KHDRBS2: variants seen among roughly 807,000 people sequenced by gnomAD.
The protein encoded by KHDRBS2 is KH RNA binding domain containing, signal transduction associated 2, also known as KH domain-containing, RNA-binding, signal transduction-associated protein 2.
KHDRBS2 carries 26 observed loss-of-function variants against 44.3 expected under a neutral mutation model. The observed-to-expected ratio is 0.59, with a 90% confidence interval of 0.43 to 0.81. The LOEUF (loss-of-function observed/expected upper bound fraction) is 0.81, where lower values mean the gene tolerates loss of function less well. KHDRBS2 is among the 40% of genes least tolerant of loss of function. The pLI is 0.00. For missense variants in KHDRBS2, 476 were observed against 433.1 expected, an observed-to-expected ratio of 1.10 and a Z score of -0.88; for synonymous variants, 194 against 151.1, an observed-to-expected ratio of 1.28 and a Z score of -2.08.
intron 2 of KHDRBS2, among the ~76,000 whole-genome samples, chr6:62,108,853 A>G (rs149630913): frequency 0.017 from 2,547 of 152,238 alleles, 62 homozygotes; most frequent in African/African-American, 0.057. Context: ...AGGACAAAAA[A>G]CCAAACACCG....
At chr6:62,234,017 G>C (rs1833304183) in intron 1 of KHDRBS2, among the ~76,000 whole-genome samples, 1 of 151,860 alleles carries the variant, frequency 6.6e-6, no homozygotes, top group Non-Finnish European at 1.5e-5. Context: ...TGGGGTTGCT[G>C]TGTGAAATGG....
chr6:61,802,450 G>A (rs1381974420), intron 6 of KHDRBS2, among the ~76,000 whole-genome samples: 1 of 152,096 alleles, frequency 6.6e-6, no homozygotes, highest in Non-Finnish European at 1.5e-5. Flanking sequence ...TACATCAGTA[G>A]GGCTGACAAT....
At chr6:62,004,216 C>G (rs1264834739) in intron 3 of KHDRBS2, among the ~76,000 whole-genome samples, 1 of 152,044 alleles carries the variant, frequency 6.6e-6, no homozygotes, top group Non-Finnish European at 1.5e-5. Context: ...AATCCAGGAG[C>G]TGTTTCTTTT....
intron 1 of KHDRBS2, among the ~76,000 whole-genome samples, chr6:62,196,009 T>C (rs1407020495): frequency 6.6e-6 from 1 of 152,208 alleles, no homozygotes; most frequent in African/African-American, 2.4e-5. Flanking sequence ...GCATCTGTTA[T>C]GGATTCTAGA....
chr6:61,677,485 T>C (rs1766010363), downstream of KHDRBS2, among the ~76,000 whole-genome samples: 2 of 151,916 alleles, frequency 1.3e-5, no homozygotes, highest in Non-Finnish European at 2.9e-5. Flanking sequence ...TATCAAATAA[T>C]TGTTTTAAGA....
chr6:62,155,164 G>T (rs1169225119), intron 2 of KHDRBS2, among the ~76,000 whole-genome samples: 1 of 151,996 alleles, frequency 6.6e-6, no homozygotes, highest in Non-Finnish European at 1.5e-5. Context: ...GATTTGAGCT[G>T]GGTTTAGAGA....
At chr6:61,818,284 G>A (rs113007488) in intron 6 of KHDRBS2, among the ~76,000 whole-genome samples, 7,031 of 136,426 alleles carry the variant, frequency 0.052, 680 homozygotes, top group African/African-American at 0.19. Flanking sequence ...AAAAAAAAAA[G>A]GATAGTAGGC....
At chr6:62,140,126 A>T (rs2150097328) in intron 2 of KHDRBS2, among the ~76,000 whole-genome samples, 1 of 152,320 alleles carries the variant, frequency 6.6e-6, no homozygotes, top group Admixed American at 6.5e-5. Flanking sequence ...TTAAGCTCCT[A>T]GACTACTGTA....
At chr6:61,578,479 T>G in the KHDRBS2 span, among the ~76,000 whole-genome samples, 93,534 of 151,832 alleles carry the variant, frequency 0.62, 29,031 homozygotes, top group Middle Eastern at 0.65. Context: ...TAGGTCAGCT[T>G]CTTGTATCTC....
At chr6:61,584,335 C>T in the KHDRBS2 span, among the ~76,000 whole-genome samples, 1 of 151,754 alleles carries the variant, frequency 6.6e-6, no homozygotes, top group African/African-American at 2.4e-5. Context: ...TTAAGTATTA[C>T]ATTAGCTCTA....
Position 62,145,823 on chromosome 6 carries a change from C to T in KHDRBS2, c.219+31362G>A, listed in dbSNP as rs1375062220. 4.6e-5 allele frequency among the ~76,000 whole-genome samples: 7 copies of T among 151,816 alleles called. No homozygotes were observed. The East Asian group carries it at 1.3e-3, about 29-fold the overall frequency. On this transcript the variant is annotated intron_variant, in intron 2 of 8. Transcript: ENST00000281156. ...ACAAATGGAAAATTGTACACATAAT[C>T]ACCTAACACAAATTTTGTTTCATGC...
At chr6:62,078,471 T>G (rs1005888621) in intron 2 of KHDRBS2, among the ~76,000 whole-genome samples, 11 of 151,982 alleles carry the variant, frequency 7.2e-5, no homozygotes, top group African/African-American at 2.4e-4. Flanking sequence ...TGTTATGATT[T>G]TACCTCTAGG....
chr6:61,593,607 T>TTG, the KHDRBS2 span, among the ~76,000 whole-genome samples: 2 of 152,056 alleles, frequency 1.3e-5, no homozygotes, highest in Non-Finnish European at 2.9e-5. Context: ...TCCTGATTAT[T>TTG]TGTATAAAGT....
chr6:61,976,931 T>C (rs528460391), intron 4 of KHDRBS2, among the ~76,000 whole-genome samples: 15 of 152,188 alleles, frequency 9.9e-5, no homozygotes, highest in African/African-American at 3.6e-4. Context: ...GAGCATCAGA[T>C]AATAAATTGT....
chr6:61,918,557 T>C (rs1807451439), intron 4 of KHDRBS2, among the ~76,000 whole-genome samples: 1 of 151,872 alleles, frequency 6.6e-6, no homozygotes, highest in Non-Finnish European at 1.5e-5. Context: ...AAGGTGGCCA[T>C]CTGCAAGCTA....
rs973265857 is a variant in KHDRBS2 at position 61,945,778 on chromosome 6, AT to A, written c.483+32287del. ...TCAAGCAAAAACCCATGAAAAAAAA[AT>A]ATGACAGGATTCCTAAAATAGTAAC... On this transcript the variant is annotated intron_variant, in intron 4 of 8. Transcript: ENST00000281156. Among the ~76,000 whole-genome samples, 7 of 152,104 alleles carry A rather than the reference AT, an allele frequency of 4.6e-5. No individual in the cohort carries two copies. In the South Asian group the frequency reaches 6.2e-4, roughly 13 times the overall value.
At chr6:61,595,637 G>A in the KHDRBS2 span, among the ~76,000 whole-genome samples, 2 of 151,498 alleles carry the variant, frequency 1.3e-5, no homozygotes, top group African/African-American at 4.8e-5. Flanking sequence ...CTAATTTCTA[G>A]TGAAAACCTA....
intron 2 of KHDRBS2, among the ~76,000 whole-genome samples, chr6:62,068,580 T>C (rs915893712): frequency 2.0e-5 from 3 of 151,552 alleles, no homozygotes; most frequent in Non-Finnish European, 4.4e-5. Context: ...TACCACTGCC[T>C]AACCTAGATT....
At chr6:61,640,845 A>C in the KHDRBS2 span, among the ~76,000 whole-genome samples, 1 of 152,196 alleles carries the variant, frequency 6.6e-6, no homozygotes, top group Non-Finnish European at 1.5e-5. Flanking sequence ...CAAACAGTAA[A>C]GAAAGATGGC....
Sources: allele counts gnomAD v4.1 joint callset (sites outside exome capture counted in the v4.1 genomes callset), GRCh38; gene constraint gnomAD v4.1.1; transcripts MANE v1.5; gene names NCBI Gene and HGNC (gene_info 2026-07-23, HGNC 2026-07-21).